The following MYOT variants were observed in gnomAD, a reference collection of about 807,000 sequenced individuals.
The protein encoded by MYOT is 57 kDa cytoskeletal protein.
In MYOT, 36 loss-of-function variants were observed where a neutral mutation model predicts 58.0. That is an observed-to-expected ratio of 0.62 (90% CI 0.48 to 0.82). MYOT has a LOEUF of 0.82. MYOT is among the 40% of genes least tolerant of loss of function. MYOT has a pLI of 0.00. For synonymous variants in MYOT, 218 were observed against 204.6 expected (o/e 1.07, Z -0.56); for missense variants, 505 against 592.1 (o/e 0.85, Z 1.53).
chr5:137,887,518 T>C lies in MYOT; in HGVS notation c.*133T>C. On this transcript the variant is annotated 3_prime_UTR_variant, in exon 10 of 10. Coordinates refer to ENST00000239926, the MANE Select transcript of MYOT (RefSeq NM_006790.3). ...AGGTAATATAGTTAATATATATTTA[T>C]AATATTATTTATCCTTTGACTCTTG... 1.6e-6 allele frequency: 1 copy of C among 610,314 alleles called. No homozygotes were observed. Among genetic ancestry groups the C allele is most frequent in the Non-Finnish European group, 2.4e-6 (1 of 409,602 alleles). The allele number at this position is 610,314 out of a possible 1,614,324, so 37.8% of individuals were successfully genotyped here. A position where few individuals can be genotyped will look rare whatever the true frequency, so the allele number is the denominator to read the frequency against.
At chr5:137,881,782 C>T (rs974689523) in intron 5 of MYOT, among the ~76,000 whole-genome samples, 191 bp from the exon 6 acceptor site, 3 of 151,894 alleles carry the variant, frequency 2.0e-5, no homozygotes, top group East Asian at 1.9e-4. Flanking sequence ...CTGCAACCTC[C>T]GCCTCCCGGG....
chr5:137,876,065 G>A, intron 3 of MYOT, 62 bp downstream of exon 3: 2 of 1,543,918 alleles, frequency 1.3e-6, no homozygotes, highest in Admixed American at 1.7e-5. Context: ...ATTTTAATAA[G>A]GAAGTTCTAG....
At chr5:137,873,975 G>A (rs1038877252) in intron 2 of MYOT, among the ~76,000 whole-genome samples, 1 of 152,132 alleles carries the variant, frequency 6.6e-6, no homozygotes, top group Non-Finnish European at 1.5e-5. Flanking sequence ...TAAAACTCTG[G>A]CCCTACTTGG....
chr5:137,885,962 A>G, intron 7 of MYOT, 86 bp from the exon 8 acceptor site: 1 of 888,338 alleles, frequency 1.1e-6, no homozygotes, highest in Non-Finnish European at 1.7e-6. Context: ...TTTTAATATC[A>G]ACATACAAAT....
In MYOT at chr5:137,887,848, C is replaced by A. The variant is rs149535236; in HGVS notation, c.*463C>A. On this transcript the variant is annotated 3_prime_UTR_variant, in exon 10 of 10. Transcript: ENST00000239926. ...GAAAATAAAATTCAAATATTTAAAA[C>A]GGACTGTCTCCTCTTCACAAAAGTC... is the stretch of plus-strand genomic sequence containing the variant. The A allele has an allele frequency of 1.3e-5, 2 of 154,622 alleles. No homozygotes were observed. The highest frequency in any genetic ancestry group is 1.9e-4 in the East Asian group (1 of 5,298). The allele number at this position is 154,622 out of a possible 1,614,324, so 9.6% of individuals were successfully genotyped here. A position where few individuals can be genotyped will look rare whatever the true frequency, so the allele number is the denominator to read the frequency against.
chr5:137,885,829 T>C (rs1755582356), intron 7 of MYOT, among the ~76,000 whole-genome samples: 1 of 123,394 alleles, frequency 8.1e-6, no homozygotes, highest in Non-Finnish European at 1.7e-5. Flanking sequence ...GAATGAAATA[T>C]AATTATCTGA....
rs1241911147 is a variant in MYOT, at chr5:137,887,591, G to A, written c.*206G>A. ...TTTGTGAAGCCTACAGGAAATCTGG[G>A]TATATGGATTTGTAACTGCAGAAGA... On this transcript the variant is annotated 3_prime_UTR_variant, in exon 10 of 10. Coordinates refer to ENST00000239926, the MANE Select transcript of MYOT (RefSeq NM_006790.3). 1.1e-5 allele frequency: 3 copies of A among 274,170 alleles called. No homozygotes were observed. Among genetic ancestry groups the A allele is most frequent in the Non-Finnish European group, 1.9e-5 (3 of 154,082 alleles). The allele number at this position is 274,170 out of a possible 1,614,324, so 17.0% of individuals were successfully genotyped here.
At chr5:137,885,512 C>T (rs1351777755) in intron 7 of MYOT, among the ~76,000 whole-genome samples, 1 of 151,984 alleles carries the variant, frequency 6.6e-6, no homozygotes, top group Non-Finnish European at 1.5e-5. Flanking sequence ...TGGCTCATGA[C>T]TGTAATCCCA....
At position 137,870,668 on chromosome 5, in the gene MYOT, G is replaced by A. The variant is rs387906882; in HGVS notation, c.17G>A (p.Arg6His). The A allele has an allele frequency of 3.0e-5, 49 of 1,613,856 alleles. No homozygotes were observed. Among genetic ancestry groups the A allele is most frequent in the Middle Eastern group, 1.6e-4 (1 of 6,084 alleles). The change falls in exon 2 of 10, where the codon CGT becomes CAT. Residue 6 changes from arginine (R) to histidine (H), a missense_variant. Physicochemically the swap from Arg to His is conservative, Grantham distance 29 (BLOSUM62 0). Transcript: ENST00000239926. ...CAACTAAGCATGTTTAACTACGAACGTCCAAAACACTTCATCCAGTCCCAA... is the reference window on the plus strand; with the variant it reads ...CAACTAAGCATGTTTAACTACGAACATCCAAAACACTTCATCCAGTCCCAA... MFNYERPKHFIQSQNP... is the reference protein window; with the variant it reads MFNYEHPKHFIQSQNP...
chr5:137,881,922 G>T (rs752809843), intron 5 of MYOT, 51 bp from the exon 6 acceptor site: 13 of 1,595,672 alleles, frequency 8.1e-6, no homozygotes, highest in Non-Finnish European at 1.0e-5. Context: ...TGTGCAAAAT[G>T]AAAAGCAATG....
chr5:137,883,342 A>G, intron 6 of MYOT, 42 bp from the exon 7 acceptor site: 1 of 1,514,410 alleles, frequency 6.6e-7, no homozygotes. Context: ...CAGTGATGCA[A>G]TACTTTAAAA....
chr5:137,887,848 C>T lies in MYOT; in HGVS notation c.*463C>T, dbSNP rs149535236. 209 of 154,620 alleles carry T rather than the reference C, an allele frequency of 1.4e-3. 4 individuals carry two copies. The highest frequency in any genetic ancestry group is 9.9e-3 in the Middle Eastern group (3 of 302). 9.6% of individuals were successfully genotyped at this position (154,620 alleles called of 1,614,324 possible). A position where few individuals can be genotyped will look rare whatever the true frequency, so the allele number is the denominator to read the frequency against. On this transcript the variant is annotated 3_prime_UTR_variant, in exon 10 of 10. Transcript: ENST00000239926. Reference sequence around the variant, plus strand: ...GAAAATAAAATTCAAATATTTAAAACGGACTGTCTCCTCTTCACAAAAGTC... The same window carrying T: ...GAAAATAAAATTCAAATATTTAAAATGGACTGTCTCCTCTTCACAAAAGTC...
Position 137,886,058 on chromosome 5 carries a change from T to C in MYOT, c.1035T>C (p.His345=), listed in dbSNP as rs751318145. The stretch of plus-strand genomic sequence containing the variant: ...TGTATTAATATATAGCAAAAGAACA[T>C]AAAAGAGCACCAATGTTTATCTACA... ...TVQLDVLAKE[H]KRAPMFIYKP... is the part of the protein sequence containing the mutation. Residue 345 remains histidine (H), a synonymous_variant, in exon 8 of 10, where the codon CAT becomes CAC. Transcript: ENST00000239926. 1 of 1,594,376 alleles carries C rather than the reference T, an allele frequency of 6.3e-7. No individual in the cohort carries two copies. Among genetic ancestry groups the C allele is most frequent in the Non-Finnish European group, 8.6e-7 (1 of 1,163,462 alleles).
chr5:137,877,433 G>A, intron 3 of MYOT, 87 bp from the exon 4 acceptor site: 2 of 722,690 alleles, frequency 2.8e-6, no homozygotes, highest in Non-Finnish European at 5.0e-6. Context: ...CTTCTTTGAA[G>A]TTCTGACCTA....
chr5:137,869,902 C>T (rs1180534535), intron 1 of MYOT, among the ~76,000 whole-genome samples: 2 of 151,232 alleles, frequency 1.3e-5, no homozygotes, highest in South Asian at 2.1e-4. Flanking sequence ...CAAACATATA[C>T]ACACAGTCAC....
In MYOT at chr5:137,875,936, A is replaced by C. The variant is rs148166751; in HGVS notation, c.464A>C (p.Glu155Ala). The change falls in exon 3 of 10, where the codon GAA (glutamate) becomes GCA (alanine). Residue 155 changes from glutamate to alanine, a missense_variant. Transcript: ENST00000239926. ...TPDHEIQGSK[E>A]ALIQDLERKL... is the part of the protein sequence containing the mutation. The stretch of plus-strand genomic sequence containing the variant: ...GATCATGAAATACAAGGATCAAAAG[A>C]AGCTTTGATTCAAGATTTGGAAAGA... 9 of 1,613,968 alleles carry C rather than the reference A, an allele frequency of 5.6e-6. No homozygotes were observed. The highest frequency in any genetic ancestry group is 4.0e-5 in the African/African-American group (3 of 74,934).
intron 3 of MYOT, 81 bp downstream of exon 3, chr5:137,876,084 T>A: frequency 1.4e-6 from 2 of 1,388,796 alleles, no homozygotes; most frequent in Non-Finnish European, 2.0e-6. Context: ...AGCTCACAGA[T>A]CTAGGTCCAT....
intron 1 of MYOT, among the ~76,000 whole-genome samples, chr5:137,868,449 CAT>C (rs1580844442): frequency 6.6e-6 from 1 of 152,016 alleles, no homozygotes; most frequent in East Asian, 1.9e-4. Context: ...TAACTACAAA[CAT>C]AAAGAAAATA....
Position 137,879,516 on chromosome 5 carries a change from C to CTTT in MYOT, c.634-1276_634-1274dup, listed in dbSNP as rs34327276. Among the ~76,000 whole-genome samples, 93 of 99,516 alleles carry CTTT rather than the reference C, an allele frequency of 9.3e-4. 4 individuals carry two copies. Among genetic ancestry groups the CTTT allele is most frequent in the Middle Eastern group, 0.01 (2 of 194 alleles). 65.3% of individuals were successfully genotyped at this position (99,516 alleles called of 152,430 possible). On this transcript the variant is annotated intron_variant, in intron 4 of 9. Transcript: ENST00000239926. ...CAATATTATACTGATGATGGTTCAT[C>CTTT]TTTTTTTTTTTTTTTTTTTTTTTTT...
Sources: allele counts gnomAD v4.1 joint callset (sites outside exome capture counted in the v4.1 genomes callset), GRCh38; gene constraint gnomAD v4.1.1; transcripts MANE v1.5; gene names NCBI Gene and HGNC (gene_info 2026-07-23, HGNC 2026-07-21).